KIRREL3: variants seen among roughly 807,000 people sequenced by gnomAD.
KIRREL3 encodes the protein kirre like nephrin family adhesion molecule 3.
A neutral mutation model predicts 89.7 loss-of-function variants in KIRREL3; 36 were observed. The observed-to-expected ratio is 0.40, with a 90% CI of 0.31 to 0.53. KIRREL3 has a LOEUF of 0.53. Among genes scored for constraint, KIRREL3 ranks in the 20% least tolerant of loss-of-function variants. KIRREL3 has a pLI of 0.49. For missense variants in KIRREL3, 864 were observed against 1,056.6 expected, an observed-to-expected ratio of 0.82 and a Z score of 2.53; for synonymous variants, 445 against 441.4, an observed-to-expected ratio of 1.01 and a Z score of -0.10.
At chr11:126,756,823 C>T (rs1210999141) in intron 1 of KIRREL3, among the ~76,000 whole-genome samples, 1 of 152,190 alleles carries the variant, frequency 6.6e-6, no homozygotes, top group Non-Finnish European at 1.5e-5. Context: ...CAGTATATCC[C>T]TGCGTCCCTG....
In KIRREL3 at chr11:126,739,892, A is replaced by G. The variant is rs1948922767; in HGVS notation, c.56-176980T>C. Reference sequence around the variant, plus strand: ...GGAGCACTTAGAATTTTGACACTGCACTTTGATCAGTTTGACGGGTTTAGT... The same window carrying G: ...GGAGCACTTAGAATTTTGACACTGCGCTTTGATCAGTTTGACGGGTTTAGT... On this transcript the variant is annotated intron_variant, in intron 1 of 16. Coordinates refer to ENST00000525144, the MANE Select transcript of KIRREL3 (RefSeq NM_032531.4). The surrounding 1 kb of genome is among the most constrained non-coding windows in gnomAD (Gnocchi z 5.5). Among the ~76,000 whole-genome samples the G allele has an allele frequency of 6.6e-6, 1 of 152,230 alleles. No homozygotes were observed. The highest frequency in any genetic ancestry group is 1.5e-5 in the Non-Finnish European group (1 of 68,050).
intron 2 of KIRREL3, among the ~76,000 whole-genome samples, chr11:126,539,667 G>A (rs1439231494): frequency 4.6e-5 from 7 of 152,170 alleles, no homozygotes. Context: ...GGAGAAGCGC[G>A]CTTGAGGTGA....
At chr11:126,833,312 C>T (rs1266410796) in intron 1 of KIRREL3, among the ~76,000 whole-genome samples, 1 of 152,220 alleles carries the variant, frequency 6.6e-6, no homozygotes, top group African/African-American at 2.4e-5. Flanking sequence ...AAAAGGCACA[C>T]ACAAGTGCAA....
Position 126,860,968 on chromosome 11 carries a change from C to G in KIRREL3, c.55+139487G>C, listed in dbSNP as rs1379486603. Among the ~76,000 whole-genome samples the G allele has an allele frequency of 6.6e-6, 1 of 152,196 alleles. No individual in the cohort carries two copies. The highest frequency in any genetic ancestry group is 2.4e-5 in the African/African-American group (1 of 41,444). The stretch of plus-strand genomic sequence containing the variant: ...GTGCTACCAGAGGCAAACAAATTCT[C>G]CCTCCTTTGTGCCCTCCTGCTTTAT... On this transcript the variant is annotated intron_variant, in intron 1 of 16. Coordinates refer to ENST00000525144, the MANE Select transcript of KIRREL3 (RefSeq NM_032531.4). The surrounding 1 kb of genome is among the most constrained non-coding windows in gnomAD (Gnocchi z 4.6).
At position 126,763,174 on chromosome 11, in the gene KIRREL3, G is replaced by A. The variant is rs1439841037; in HGVS notation, c.56-200262C>T. Among the ~76,000 whole-genome samples the A allele has an allele frequency of 6.6e-6, 1 of 152,196 alleles. No individual in the cohort carries two copies. The highest frequency in any genetic ancestry group is 2.4e-5 in the African/African-American group (1 of 41,448). ...CAGATTCTGGCTCTGTTGTCAGCAAGCTGTGTGATCTTGAACAACTCCTCT... is the reference window on the plus strand; with the variant it reads ...CAGATTCTGGCTCTGTTGTCAGCAAACTGTGTGATCTTGAACAACTCCTCT... On this transcript the variant is annotated intron_variant, in intron 1 of 16. Coordinates refer to ENST00000525144, the MANE Select transcript of KIRREL3 (RefSeq NM_032531.4). The surrounding 1 kb of genome is among the most constrained non-coding windows in gnomAD (Gnocchi z 4.7).
At chr11:126,749,455 C>G (rs1001915995) in intron 1 of KIRREL3, among the ~76,000 whole-genome samples, 1 of 152,102 alleles carries the variant, frequency 6.6e-6, no homozygotes, top group Non-Finnish European at 1.5e-5. Context: ...CCATCCTCGC[C>G]GGTTTGCTCC....
chr11:126,732,937 T>C (rs34202408), intron 1 of KIRREL3, among the ~76,000 whole-genome samples: 63,746 of 152,136 alleles, frequency 0.42, 14,708 homozygotes, highest in East Asian at 0.86. Flanking sequence ...GCCCTCCCAT[T>C]GTATTCACAG....
At position 126,686,509 on chromosome 11, in the gene KIRREL3, C is replaced by T. The variant is rs996775393; in HGVS notation, c.56-123597G>A. On this transcript the variant is annotated intron_variant, in intron 1 of 16. Transcript: ENST00000525144. This position sits in a 1 kb window ranked among gnomAD's most constrained non-coding sequence, Gnocchi z 4.7. Reference sequence around the variant, plus strand: ...GTTCTGATAGGGTCAGTGCTGGCCACTGAGCGGGGAGGGTGGGGAGGGACT... The same window carrying T: ...GTTCTGATAGGGTCAGTGCTGGCCATTGAGCGGGGAGGGTGGGGAGGGACT... 1.3e-5 allele frequency among the ~76,000 whole-genome samples: 2 copies of T among 149,858 alleles called. No individual in the cohort carries two copies. Among genetic ancestry groups the T allele is most frequent in the Non-Finnish European group, 3.0e-5 (2 of 67,562 alleles).
chr11:126,429,214 C>T lies in KIRREL3; in HGVS notation c.1771G>A (p.Glu591Lys). Reference sequence around the variant, plus strand: ...TTGATGGTGGAGTGCTCCTCACCCTCCCGACCAGAGGCTGGTTCCTTGTGG... The same window carrying T: ...TTGATGGTGGAGTGCTCCTCACCCTTCCGACCAGAGGCTGGTTCCTTGTGG... Reference protein sequence around the residue: ...IVHKEPASGREGEEHSTIKQL... With the variant: ...IVHKEPASGRKGEEHSTIKQL... The change falls in exon 15 of 17, where the codon GAG becomes AAG. Residue 591 changes from glutamate (E) to lysine (K), a missense_variant. Coordinates refer to ENST00000525144, the MANE Select transcript of KIRREL3 (RefSeq NM_032531.4). This position sits in a 1 kb window ranked among gnomAD's most constrained non-coding sequence, Gnocchi z 5.2. 7.4e-6 allele frequency: 12 copies of T among 1,613,866 alleles called. No homozygotes were observed. The highest frequency in any genetic ancestry group is 1.0e-5 in the Non-Finnish European group (12 of 1,179,778).
intron 1 of KIRREL3, among the ~76,000 whole-genome samples, chr11:126,967,702 C>T (rs1949311383): frequency 1.3e-5 from 2 of 152,062 alleles, no homozygotes; most frequent in South Asian, 4.2e-4. Flanking sequence ...TTTTTCTTCA[C>T]ATTACACAGC....
At chr11:126,967,779 G>A (rs1949313512) in intron 1 of KIRREL3, among the ~76,000 whole-genome samples, 1 of 152,148 alleles carries the variant, frequency 6.6e-6, no homozygotes, top group Admixed American at 6.5e-5. Context: ...GGTACACTTG[G>A]TGATGTCTGG....
chr11:126,606,514 C>T lies in KIRREL3; in HGVS notation c.56-43602G>A, dbSNP rs571160263. On this transcript the variant is annotated intron_variant, in intron 1 of 16. Transcript: ENST00000525144. The surrounding 1 kb of genome is among the most constrained non-coding windows in gnomAD (Gnocchi z 4.6). The stretch of plus-strand genomic sequence containing the variant: ...CACAGGGCCATGGGGGAGGGAAGTC[C>T]GGGCTCTCTGGGAACTGCCTTCCAC... Among the ~76,000 whole-genome samples, 5 of 152,114 alleles carry T rather than the reference C, an allele frequency of 3.3e-5. No homozygotes were observed. The highest frequency in any genetic ancestry group is 5.9e-5 in the Non-Finnish European group (4 of 68,020).
rs1326892132 is a variant in KIRREL3 at position 126,710,631 on chromosome 11, T to C, written c.56-147719A>G. On this transcript the variant is annotated intron_variant, in intron 1 of 16. Transcript: ENST00000525144. This position sits in a 1 kb window ranked among gnomAD's most constrained non-coding sequence, Gnocchi z 4.2. Reference sequence around the variant, plus strand: ...CAGGCACCCCTTCTCTGTCCTCAGCTGGGGACCCCTCTCATCCCACTTGGA... The same window carrying C: ...CAGGCACCCCTTCTCTGTCCTCAGCCGGGGACCCCTCTCATCCCACTTGGA... 6.6e-6 allele frequency among the ~76,000 whole-genome samples: 1 copy of C among 152,166 alleles called. No homozygotes were observed. The highest frequency in any genetic ancestry group is 6.5e-5 in the Admixed American group (1 of 15,286).
chr11:126,470,222 G>C (rs899058354), intron 5 of KIRREL3, among the ~76,000 whole-genome samples: 5 of 152,226 alleles, frequency 3.3e-5, no homozygotes, highest in African/African-American at 1.2e-4. Flanking sequence ...GTCCAGGCTG[G>C]CCCAAGTTCA....
rs1006007405 is a variant in KIRREL3 at position 126,620,903 on chromosome 11, G to A, written c.56-57991C>T. On this transcript the variant is annotated intron_variant, in intron 1 of 16. Coordinates refer to ENST00000525144, the MANE Select transcript of KIRREL3 (RefSeq NM_032531.4). The surrounding 1 kb of genome is among the most constrained non-coding windows in gnomAD (Gnocchi z 4.8). Reference sequence around the variant, plus strand: ...CTGACAAATAGGCCTAAGACCAGAGGCTTTTTGTTTTTTCTTCTCTTCTCT... The same window carrying A: ...CTGACAAATAGGCCTAAGACCAGAGACTTTTTGTTTTTTCTTCTCTTCTCT... Among the ~76,000 whole-genome samples the A allele has an allele frequency of 3.3e-5, 5 of 152,164 alleles. No individual in the cohort carries two copies. Among genetic ancestry groups the A allele is most frequent in the Non-Finnish European group, 7.3e-5 (5 of 68,030 alleles).
In KIRREL3 at chr11:126,987,602, C is replaced by T. The variant is rs564884760; in HGVS notation, c.55+12853G>A. Among the ~76,000 whole-genome samples, 1 of 152,274 alleles carries T rather than the reference C, an allele frequency of 6.6e-6. No individual in the cohort carries two copies. The highest frequency in any genetic ancestry group is 1.9e-4 in the East Asian group (1 of 5,168). On this transcript the variant is annotated intron_variant, in intron 1 of 16. Transcript: ENST00000525144. The surrounding 1 kb of genome is among the most constrained non-coding windows in gnomAD (Gnocchi z 4.6). ...GAACACCCAAAACAAAGCTCATGCC[C>T]AGAGAAAGGAGCATTGATATGGATT...
rs918966103 is a variant in KIRREL3, at chr11:126,635,590, G to A, written c.56-72678C>T. ...TCCCATTGTACACCCCCAGCAACGA[G>A]CCCCCCTGCCAGCCCAGAGTAACCA... On this transcript the variant is annotated intron_variant, in intron 1 of 16. Coordinates refer to ENST00000525144, the MANE Select transcript of KIRREL3 (RefSeq NM_032531.4). The surrounding 1 kb of genome is among the most constrained non-coding windows in gnomAD (Gnocchi z 4.0). Among the ~76,000 whole-genome samples the A allele has an allele frequency of 7.2e-5, 11 of 152,072 alleles. No homozygotes were observed. The highest frequency in any genetic ancestry group is 1.5e-4 in the Non-Finnish European group (10 of 68,016).
Position 126,484,839 on chromosome 11 carries a change from G to T in KIRREL3, c.434-11373C>A, listed in dbSNP as rs1957309137. On this transcript the variant is annotated intron_variant, in intron 4 of 16. Coordinates refer to ENST00000525144, the MANE Select transcript of KIRREL3 (RefSeq NM_032531.4). The surrounding 1 kb of genome is among the most constrained non-coding windows in gnomAD (Gnocchi z 5.2). ...TTTTTTTTTTTTTTTTTCTGAGACG[G>T]AGTCTCGCTCTTGTCACCCAGGCTG... Among the ~76,000 whole-genome samples the T allele has an allele frequency of 6.7e-6, 1 of 150,028 alleles. No individual in the cohort carries two copies.
chr11:126,794,310 C>A (rs1228127309), intron 1 of KIRREL3, among the ~76,000 whole-genome samples: 1 of 152,188 alleles, frequency 6.6e-6, no homozygotes, highest in Non-Finnish European at 1.5e-5. Context: ...TGGTTCCCTG[C>A]ACAGTATTTT....
Sources: allele counts gnomAD v4.1 joint callset (sites outside exome capture counted in the v4.1 genomes callset), GRCh38; gene constraint gnomAD v4.1.1; non-coding constraint Gnocchi (gnomAD v3.1); transcripts MANE v1.5; gene names NCBI Gene and HGNC (gene_info 2026-07-23, HGNC 2026-07-21).